DOCK4: variants seen among roughly 807,000 people sequenced by gnomAD.
DOCK4 encodes dedicator of cytokinesis 4.
A neutral mutation model predicts 268.1 loss-of-function variants in DOCK4; 97 were observed. The observed-to-expected ratio is 0.36, with a 90% CI of 0.31 to 0.43. The LOEUF (loss-of-function observed/expected upper bound fraction) is 0.43, where lower values mean the gene tolerates loss of function less well. Ranked by LOEUF, DOCK4 falls within the 20% of genes least tolerant of loss-of-function variation. DOCK4 has a pLI of 1.00. For synonymous variants in DOCK4, 954 were observed against 887.2 expected (o/e 1.08, Z -1.34); for missense variants, 2,145 against 2,455.7 (o/e 0.87, Z 2.67).
chr7:111,791,755 T>A (rs116462554), intron 30 of DOCK4, among the ~76,000 whole-genome samples: 2,950 of 152,150 alleles, frequency 0.019, 100 homozygotes, highest in African/African-American at 0.067. Context: ...GCCTGTTTTT[T>A]AAAAAATAGA....
At chr7:111,835,897 A>C (rs1029747739) in intron 25 of DOCK4, among the ~76,000 whole-genome samples, 1 of 152,194 alleles carries the variant, frequency 6.6e-6, no homozygotes, top group African/African-American at 2.4e-5. Flanking sequence ...CTCTGTTTGC[A>C]GATAATCATT....
At chr7:111,753,120 A>G (rs1476514228) in intron 42 of DOCK4, among the ~76,000 whole-genome samples, 1 of 151,876 alleles carries the variant, frequency 6.6e-6, no homozygotes, top group Non-Finnish European at 1.5e-5. Flanking sequence ...GTATAGGGCC[A>G]TATATGGTAT....
rs187876003 is a variant in DOCK4, at chr7:111,816,296, C to T, written c.2931-4347G>A. On this transcript the variant is annotated intron_variant, in intron 27 of 52. Coordinates refer to ENST00000428084, the MANE Select transcript of DOCK4 (RefSeq NM_001363540.2). ...GGTCTTGACAATATTGATGTTTATA[C>T]AATGAAAAACTAAGGACATCTAAAC... Among the ~76,000 whole-genome samples the T allele has an allele frequency of 2.5e-4, 38 of 152,200 alleles. No homozygotes were observed. In the East Asian group the frequency reaches 6.4e-3, roughly 26 times the overall value.
At chr7:112,112,165 G>C (rs2729535) in intron 1 of DOCK4, among the ~76,000 whole-genome samples, 35,038 of 152,070 alleles carry the variant, frequency 0.23, 5,150 homozygotes, top group African/African-American at 0.42. Flanking sequence ...GGCTGGGCTT[G>C]GGTCATGGCG....
chr7:112,173,666 T>C (rs1349523630), intron 1 of DOCK4, among the ~76,000 whole-genome samples: 1 of 152,058 alleles, frequency 6.6e-6, no homozygotes, highest in Non-Finnish European at 1.5e-5. Context: ...GAAAACAGCA[T>C]GAAGACCTGC....
chr7:111,909,394 C>G (rs1255482440), intron 13 of DOCK4, among the ~76,000 whole-genome samples: 3 of 152,202 alleles, frequency 2.0e-5, no homozygotes, highest in Non-Finnish European at 2.9e-5. Flanking sequence ...ATTCTTCTAA[C>G]TCCAGTCTGT....
chr7:111,809,024 T>G (rs914517922), intron 29 of DOCK4, 145 bp from the exon 30 acceptor site: 2 of 914,036 alleles, frequency 2.2e-6, no homozygotes, highest in South Asian at 1.7e-5. Flanking sequence ...TCACGATGCC[T>G]CTAAGTCAAA....
chr7:111,979,703 T>A (rs1387570600), intron 7 of DOCK4, among the ~76,000 whole-genome samples: 1 of 152,142 alleles, frequency 6.6e-6, no homozygotes, highest in Non-Finnish European at 1.5e-5. Context: ...GAAATAGATG[T>A]AAAAACCTCA....
chr7:111,893,027 T>C (rs571867018), intron 16 of DOCK4, among the ~76,000 whole-genome samples: 29 of 152,322 alleles, frequency 1.9e-4, no homozygotes, highest in African/African-American at 5.8e-4. Context: ...TGAGTTTCTC[T>C]TGTGGTTGAG....
chr7:111,753,711 CTTG>C (rs1796841618), intron 42 of DOCK4, among the ~76,000 whole-genome samples: 1 of 152,138 alleles, frequency 6.6e-6, no homozygotes, highest in South Asian at 2.1e-4. Flanking sequence ...TGTCCCTGTT[CTTG>C]AAGACCTTCT....
chr7:111,876,524 A>T (rs940850353), intron 17 of DOCK4, among the ~76,000 whole-genome samples: 3 of 152,164 alleles, frequency 2.0e-5, no homozygotes, highest in Non-Finnish European at 4.4e-5. Flanking sequence ...AAAAATGTTT[A>T]ATTTACTTCC....
chr7:112,171,568 C>T (rs544823730), intron 1 of DOCK4, among the ~76,000 whole-genome samples: 1 of 151,948 alleles, frequency 6.6e-6, no homozygotes, highest in Non-Finnish European at 1.5e-5. Flanking sequence ...TGTAATGGAA[C>T]ATGGTGAACC....
chr7:111,840,701 T>C (rs1803612372), intron 25 of DOCK4: 2 of 802,124 alleles, frequency 2.5e-6, no homozygotes, highest in Admixed American at 4.5e-5. Context: ...GTAACAATCA[T>C]GGTGCTTACA....
intron 1 of DOCK4, among the ~76,000 whole-genome samples, chr7:112,057,551 A>C (rs1805935455): frequency 6.7e-6 from 1 of 148,638 alleles, no homozygotes; most frequent in African/African-American, 2.6e-5. Flanking sequence ...ACCCTGTCCC[A>C]AAAAATAAAA....
chr7:111,977,365 G>A (rs977838407), intron 7 of DOCK4, 82 bp from the exon 8 acceptor site: 10 of 1,459,010 alleles, frequency 6.9e-6, no homozygotes, highest in Non-Finnish European at 8.3e-6. Flanking sequence ...TAGCTATGAG[G>A]TGACTGTGAT....
At chr7:111,943,065 T>C (rs896532253) in intron 10 of DOCK4, among the ~76,000 whole-genome samples, 1 of 152,240 alleles carries the variant, frequency 6.6e-6, no homozygotes, top group Non-Finnish European at 1.5e-5. Context: ...CCTATCTTAG[T>C]GTATTTTACC....
At chr7:111,771,138 A>G (rs1299418035) in intron 36 of DOCK4, among the ~76,000 whole-genome samples, 2 of 152,266 alleles carry the variant, frequency 1.3e-5, no homozygotes, top group Admixed American at 6.5e-5. Context: ...AGCTCAAACA[A>G]TAAATTTAGG....
intron 28 of DOCK4, among the ~76,000 whole-genome samples, chr7:111,809,754 T>C (rs1005554467): frequency 6.6e-6 from 1 of 152,238 alleles, no homozygotes; most frequent in African/African-American, 2.4e-5. Context: ...TGTCTGAGTA[T>C]CTCCAAGAGG....
chr7:111,741,071 C>T (rs1795886295), intron 47 of DOCK4, 23 bp downstream of exon 47: 1 of 1,612,764 alleles, frequency 6.2e-7, no homozygotes, highest in Non-Finnish European at 8.5e-7. Context: ...TAAACACAAC[C>T]AGACAAAAAG....
Sources: allele counts gnomAD v4.1 joint callset (sites outside exome capture counted in the v4.1 genomes callset), GRCh38; gene constraint gnomAD v4.1.1; transcripts MANE v1.5; gene names NCBI Gene and HGNC (gene_info 2026-07-23, HGNC 2026-07-21).